Variants in DNAH8 observed in about 807,000 individuals in gnomAD.
The protein encoded by DNAH8 is dynein axonemal heavy chain 8, also known as axonemal beta dynein heavy chain 8.
DNAH8 carries 382 observed loss-of-function variants against 562.1 expected under a neutral mutation model. That is an observed-to-expected ratio of 0.68 (90% CI 0.63 to 0.74). DNAH8 has a LOEUF of 0.74. Ranked by LOEUF, DNAH8 falls within the 30% of genes least tolerant of loss-of-function variation. The pLI is 0.00. For missense variants in DNAH8, 5,203 were observed against 5,620.4 expected (o/e 0.93, Z 2.37); for synonymous variants, 1,881 against 1,919.4 (o/e 0.98, Z 0.52).
At chr6:38,944,968 TTAACCC>T (rs113455471) in intron 79 of DNAH8, among the ~76,000 whole-genome samples, 18,405 of 150,464 alleles carry the variant, frequency 0.12, 1,319 homozygotes, top group East Asian at 0.29. Flanking sequence ...AACCCCAACC[TTAACCC>T]TAACCCTAAC....
chr6:39,005,919 T>C lies in DNAH8; in HGVS notation c.13215-2895T>C, dbSNP rs112887702. Among the ~76,000 whole-genome samples, 302 of 152,342 alleles carry C rather than the reference T, an allele frequency of 2.0e-3. 1 individual carries two copies. Among genetic ancestry groups the C allele is most frequent in the African/African-American group, 6.8e-3 (284 of 41,580 alleles). On this transcript the variant is annotated intron_variant, in intron 88 of 92. Transcript: ENST00000327475. ...TACTGTGATGTATCTACATGTAGAG[T>C]CCAAGGGCGGGAGGGATTTGGCTTG...
chr6:38,756,177 C>T (rs866543064), intron 10 of DNAH8, 98 bp downstream of exon 10: 2 of 762,656 alleles, frequency 2.6e-6, no homozygotes, highest in Non-Finnish European at 2.3e-6. Context: ...GCCTAAGTGC[C>T]TCTCAGAGTT....
chr6:38,812,275 G>T (rs528866373), intron 24 of DNAH8, among the ~76,000 whole-genome samples: 42 of 152,164 alleles, frequency 2.8e-4, no homozygotes, highest in African/African-American at 9.9e-4. Context: ...TGCTTACCTT[G>T]TATTTGAGCA....
chr6:38,922,112 T>C (rs1337020162), intron 71 of DNAH8, among the ~76,000 whole-genome samples: 1 of 151,282 alleles, frequency 6.6e-6, no homozygotes, highest in Non-Finnish European at 1.5e-5. Flanking sequence ...CATCTGGATG[T>C]GTACATGCAG....
chr6:38,843,351 T>C (rs962969963), intron 35 of DNAH8, among the ~76,000 whole-genome samples: 1 of 152,012 alleles, frequency 6.6e-6, no homozygotes, highest in African/African-American at 2.4e-5. Context: ...CCAATCTTTT[T>C]TTTTCATTTT....
At chr6:38,942,346 A>T (rs931146835) in intron 79 of DNAH8, among the ~76,000 whole-genome samples, 1 of 152,182 alleles carries the variant, frequency 6.6e-6, no homozygotes, top group African/African-American at 2.4e-5. Context: ...GAAAGGAAGA[A>T]GTGGGAAACC....
At chr6:39,007,675 G>A (rs372715035) in intron 88 of DNAH8, among the ~76,000 whole-genome samples, 13 of 152,048 alleles carry the variant, frequency 8.5e-5, no homozygotes, top group African/African-American at 2.4e-4. Flanking sequence ...TGTCCTTGTC[G>A]CTCCTCCTAG....
At chr6:39,007,377 T>C (rs956910366) in intron 88 of DNAH8, among the ~76,000 whole-genome samples, 1 of 152,240 alleles carries the variant, frequency 6.6e-6, no homozygotes, top group Admixed American at 6.5e-5. Context: ...AAGCATTTGC[T>C]GAATCCCTTT....
intron 17 of DNAH8, 21 bp from the exon 18 acceptor site, chr6:38,786,744 T>G: frequency 6.2e-7 from 1 of 1,606,208 alleles, no homozygotes; most frequent in Non-Finnish European, 8.5e-7. Flanking sequence ...ATGAGTAATG[T>G]CAATCATTAT....
chr6:38,898,749 G>T (rs1432797212), intron 61 of DNAH8, among the ~76,000 whole-genome samples: 3 of 152,162 alleles, frequency 2.0e-5, no homozygotes, highest in Admixed American at 2.0e-4. Flanking sequence ...TGGAGGAAAA[G>T]ATGTTGCTTT....
At position 38,736,341 on chromosome 6, in the gene DNAH8, A is replaced by G. The variant is rs534594811; in HGVS notation, c.763-726A>G. Among the ~76,000 whole-genome samples the G allele has an allele frequency of 4.6e-5, 7 of 152,284 alleles. No homozygotes were observed. The South Asian group carries it at 1.5e-3, about 32-fold the overall frequency. ...GGTGTAACAGTGGTTCTTAAAGTCA[A>G]ACCTATTTTCATCAGAATACTAAGA... On this transcript the variant is annotated intron_variant, in intron 5 of 92. Coordinates refer to ENST00000327475, the MANE Select transcript of DNAH8 (RefSeq NM_001206927.2).
chr6:38,724,386 T>C (rs917070411), intron 3 of DNAH8, among the ~76,000 whole-genome samples: 19 of 152,238 alleles, frequency 1.2e-4, no homozygotes, highest in Non-Finnish European at 2.9e-5. Flanking sequence ...TGTCAGAAGT[T>C]AGAGGCATAG....
chr6:38,898,208 AC>A (rs745486573), intron 60 of DNAH8, 49 bp from the exon 61 acceptor site: 1 of 1,495,888 alleles, frequency 6.7e-7, no homozygotes, highest in Non-Finnish European at 9.0e-7. Flanking sequence ...CTACTTTAAT[AC>A]ATACTTGGAT....
intron 39 of DNAH8, 67 bp from the exon 40 acceptor site, chr6:38,852,627 G>T: frequency 9.0e-7 from 1 of 1,111,438 alleles, no homozygotes; most frequent in Non-Finnish European, 1.3e-6. Flanking sequence ...AAATATTAAG[G>T]CTTTTAAAAA....
In DNAH8 at chr6:38,790,380, A is replaced by G. The variant is rs559075687; in HGVS notation, c.2756A>G (p.Asp919Gly). ...SFFQEVELVL[D>G]MFNQLLKKIS... is the part of the protein sequence containing the mutation. ...TTTCAAGAAGTCGAATTAGTTTTGGATATGTTCAATCAACTTTTAAAGAAG... is the reference window on the plus strand; with the variant it reads ...TTTCAAGAAGTCGAATTAGTTTTGGGTATGTTCAATCAACTTTTAAAGAAG... Residue 919 changes from aspartate (D) to glycine (G), a missense_variant, in exon 20 of 93, where the codon GAT becomes GGT. Transcript: ENST00000327475. 7 of 1,589,806 alleles carry G rather than the reference A, an allele frequency of 4.4e-6. No homozygotes were observed. The East Asian group carries it at 1.1e-4, about 25-fold the overall frequency.
At chr6:38,754,693 C>T (rs1203161187) in intron 9 of DNAH8, among the ~76,000 whole-genome samples, 2 of 152,122 alleles carry the variant, frequency 1.3e-5, no homozygotes, top group African/African-American at 4.8e-5. Context: ...CTCAAAATCT[C>T]CACTATGTAA....
intron 45 of DNAH8, among the ~76,000 whole-genome samples, chr6:38,865,330 A>G (rs900228341): frequency 8.5e-5 from 13 of 152,364 alleles, no homozygotes; most frequent in South Asian, 2.1e-4. Flanking sequence ...AGTATTGATT[A>G]TAAGTCAGGA....
rs751137902 is a variant in DNAH8 at position 38,791,595 on chromosome 6, A to G, written c.2822A>G (p.Lys941Arg). ...GAAATGCATATTGATACAGTTCTGAAGGAGATAGCCAAAACTGTGTTGATT... is the reference window on the plus strand; with the variant it reads ...GAAATGCATATTGATACAGTTCTGAGGGAGATAGCCAAAACTGTGTTGATT... ...LCEMHIDTVL[K>R]EIAKTVLISL... The change falls in exon 21 of 93, where the codon AAG becomes AGG. Residue 941 changes from lysine (K) to arginine (R), a missense_variant. Around this residue, in one of 6 missense-constraint regions of DNAH8, gnomAD observed 2,176 missense variants for 2,365.1 expected, o/e 0.92. Transcript: ENST00000327475. The G allele has an allele frequency of 7.4e-6, 12 of 1,613,834 alleles. No individual in the cohort carries two copies. Among genetic ancestry groups the G allele is most frequent in the Non-Finnish European group, 1.0e-5 (12 of 1,179,924 alleles).
At chr6:38,743,173 A>G (rs1214616968) in intron 8 of DNAH8, among the ~76,000 whole-genome samples, 1 of 151,624 alleles carries the variant, frequency 6.6e-6, no homozygotes, top group Non-Finnish European at 1.5e-5. Context: ...ATATGCCACC[A>G]TGCCCGACTA....
Sources: allele counts gnomAD v4.1 joint callset (sites outside exome capture counted in the v4.1 genomes callset), GRCh38; gene constraint gnomAD v4.1.1; regional missense constraint gnomAD v4.1.1; transcripts MANE v1.5; gene names NCBI Gene and HGNC (gene_info 2026-07-23, HGNC 2026-07-21).